PLEKHA8: variants seen among roughly 807,000 people sequenced by gnomAD.
The protein encoded by PLEKHA8 is pleckstrin homology domain-containing family A member 8.
In PLEKHA8, 36 loss-of-function variants were observed where a neutral mutation model predicts 68.2. The observed-to-expected ratio is 0.53, with a 90% CI of 0.40 to 0.70. The LOEUF is 0.70. Ranked by LOEUF, PLEKHA8 falls within the 30% of genes least tolerant of loss-of-function variation. The pLI is 0.00. For synonymous variants in PLEKHA8, 211 were observed against 216.1 expected (o/e 0.98, Z 0.20); for missense variants, 505 against 615.4 (o/e 0.82, Z 1.90).
chr7:30,107,281 A>G (rs188618219), intron 13 of PLEKHA8, among the ~76,000 whole-genome samples: 25 of 152,230 alleles, frequency 1.6e-4, no homozygotes, highest in African/African-American at 5.8e-4. Context: ...TTGTTTTACA[A>G]TATTACTTCC....
chr7:30,053,066 G>A (rs1792552430), intron 7 of PLEKHA8, among the ~76,000 whole-genome samples, 200 bp downstream of exon 7: 1 of 152,214 alleles, frequency 6.6e-6, no homozygotes, highest in Admixed American at 6.5e-5. Flanking sequence ...AAGGCAGAGT[G>A]AAAAGAGGAA....
rs563634599 is a variant in PLEKHA8 at position 30,036,451 on chromosome 7, G to GATAC, written c.40+7652_40+7653insCATA. Among the ~76,000 whole-genome samples, 1,441 of 150,398 alleles carry GATAC rather than the reference G, an allele frequency of 9.6e-3. 23 individuals carry two copies. Among genetic ancestry groups the GATAC allele is most frequent in the Non-Finnish European group, 0.013 (897 of 67,584 alleles). On this transcript the variant is annotated intron_variant, in intron 1 of 13. Transcript: ENST00000449726. ...AGATAGATAGATAGATAGATAGATA[G>GATAC]ATAGATAGATAGATTAGATAGAGAA... is the stretch of plus-strand genomic sequence containing the variant.
At chr7:30,119,853 AT>A (rs1796666668) in intron 13 of PLEKHA8, among the ~76,000 whole-genome samples, 1 of 152,180 alleles carries the variant, frequency 6.6e-6, no homozygotes, top group Non-Finnish European at 1.5e-5. Context: ...TTTAGGATGT[AT>A]TTATGTGCTC....
rs1384073227 is a variant in PLEKHA8, at chr7:30,084,525, C to T, written c.*5738C>T. The T allele has an allele frequency of 1.0e-6, 1 of 985,202 alleles. No homozygotes were observed. The highest frequency in any genetic ancestry group is 1.2e-6 in the Non-Finnish European group (1 of 829,914). The allele number at this position is 985,202 out of a possible 1,614,324, so 61.0% of individuals were successfully genotyped here. A position where few individuals can be genotyped will look rare whatever the true frequency, so the allele number is the denominator to read the frequency against. On this transcript the variant is annotated 3_prime_UTR_variant, in exon 14 of 14. Coordinates refer to ENST00000449726, the MANE Select transcript of PLEKHA8 (RefSeq NM_001197026.2). ...TTTAGATTTGTATTGTTTCTCTGTC[C>T]AAGTCCTTATTCTCTATCTTGTGGG... is the stretch of plus-strand genomic sequence containing the variant.
chr7:30,124,958 A>AT (rs1235680433), intron 13 of PLEKHA8, among the ~76,000 whole-genome samples: 6 of 151,252 alleles, frequency 4.0e-5, no homozygotes, highest in East Asian at 1.9e-4. Context: ...AAAAATCAGA[A>AT]TTTTTTTTTG....
chr7:30,097,773 T>C (rs934316828), intron 13 of PLEKHA8, among the ~76,000 whole-genome samples: 4 of 152,132 alleles, frequency 2.6e-5, no homozygotes, highest in African/African-American at 4.8e-5. Flanking sequence ...TGGTTCGAAC[T>C]TCTTCCTTTA....
At chr7:30,072,752 A>C in intron 12 of PLEKHA8, among the ~76,000 whole-genome samples, 1 of 152,272 alleles carries the variant, frequency 6.6e-6, no homozygotes, top group Non-Finnish European at 1.5e-5. Context: ...TGCTGGTGCT[A>C]AAACTAGCAC....
chr7:30,128,396 T>C (rs1796818072), intron 13 of PLEKHA8, among the ~76,000 whole-genome samples: 1 of 152,220 alleles, frequency 6.6e-6, no homozygotes, highest in Non-Finnish European at 1.5e-5. Context: ...TGTGAGCCAC[T>C]ATGCCCGGCT....
chr7:30,079,589 C>G lies in PLEKHA8; in HGVS notation c.*802C>G. 1 of 819,986 alleles carries G rather than the reference C, an allele frequency of 1.2e-6. No individual in the cohort carries two copies. The highest frequency in any genetic ancestry group is 1.5e-6 in the Non-Finnish European group (1 of 679,276). The allele number at this position is 819,986 out of a possible 1,614,324, so 50.8% of individuals were successfully genotyped here. Reference sequence around the variant, plus strand: ...GATACCCAGAGGGATTATTACTCCACTTCAAAAGCAAGGTTTAGAAGTTGA... The same window carrying G: ...GATACCCAGAGGGATTATTACTCCAGTTCAAAAGCAAGGTTTAGAAGTTGA... On this transcript the variant is annotated 3_prime_UTR_variant, in exon 14 of 14. Coordinates refer to ENST00000449726, the MANE Select transcript of PLEKHA8 (RefSeq NM_001197026.2).
chr7:30,034,731 T>C (rs1265164444), intron 1 of PLEKHA8, among the ~76,000 whole-genome samples: 3 of 152,122 alleles, frequency 2.0e-5, no homozygotes, highest in Non-Finnish European at 2.9e-5. Context: ...TGGAAGAAAA[T>C]CCGCATGTGC....
intron 13 of PLEKHA8, among the ~76,000 whole-genome samples, chr7:30,101,098 A>T (rs771188815): frequency 2.6e-5 from 4 of 151,920 alleles, no homozygotes; most frequent in Non-Finnish European, 4.4e-5. Flanking sequence ...GCTAAGGCAG[A>T]AGAATGGCTT....
chr7:30,067,834 C>T (rs1793966932), intron 12 of PLEKHA8, among the ~76,000 whole-genome samples: 2 of 152,186 alleles, frequency 1.3e-5, no homozygotes, highest in African/African-American at 2.4e-5. Context: ...TTTAGCATTT[C>T]ATTGTATGAA....
At chr7:30,058,837 A>G (rs1274780887) in intron 9 of PLEKHA8, among the ~76,000 whole-genome samples, 1 of 152,266 alleles carries the variant, frequency 6.6e-6, no homozygotes, top group Non-Finnish European at 1.5e-5. Flanking sequence ...ATCTTAAACA[A>G]CATCGAAGGC....
intron 5 of PLEKHA8, 152 bp from the exon 6 acceptor site, chr7:30,050,282 T>C: frequency 5.4e-6 from 5 of 932,208 alleles, no homozygotes; most frequent in Non-Finnish European, 7.6e-6. Context: ...AATGACTCTC[T>C]TTTGGGAAGA....
At position 30,030,733 on chromosome 7, in the gene PLEKHA8, C is replaced by T. The variant is rs878956882; in HGVS notation, c.40+1931C>T. 2.6e-5 allele frequency among the ~76,000 whole-genome samples: 4 copies of T among 152,200 alleles called. No individual in the cohort carries two copies. The South Asian group carries it at 8.3e-4, about 31-fold the overall frequency. On this transcript the variant is annotated intron_variant, in intron 1 of 13. Coordinates refer to ENST00000449726, the MANE Select transcript of PLEKHA8 (RefSeq NM_001197026.2). The stretch of plus-strand genomic sequence containing the variant: ...GAATGATGGTTCGGCATATTCTCTC[C>T]TTTTAGGAGATAAATTTACTTGGGA...
At chr7:30,052,640 CAAAA>C (rs75714651) in intron 6 of PLEKHA8, 65 bp from the exon 7 acceptor site, 129,948 of 1,051,720 alleles carry the variant, frequency 0.12, 1,772 homozygotes, top group African/African-American at 0.19. Flanking sequence ...GACCCTGTTT[CAAAA>C]AAAAAAAAAA....
chr7:30,085,364 A>C (rs761763183), downstream of PLEKHA8, among the ~76,000 whole-genome samples: 1 of 152,348 alleles, frequency 6.6e-6, no homozygotes, highest in East Asian at 1.9e-4. Flanking sequence ...CGCTCCTTTC[A>C]GAGGTAGCTA....
At position 30,069,429 on chromosome 7, in the gene PLEKHA8, T is replaced by C. The variant is rs1382519898; in HGVS notation, c.1301-4642T>C. On this transcript the variant is annotated intron_variant, in intron 12 of 13. Transcript: ENST00000449726. ...TAAGCCAAAATAACTTTACCAATTA[T>C]AGGTTTACAGTAGAAAAACACTTTC... 2.0e-5 allele frequency among the ~76,000 whole-genome samples: 3 copies of C among 152,346 alleles called. No individual in the cohort carries two copies. The East Asian group carries it at 5.8e-4, about 29-fold the overall frequency.
intron 1 of PLEKHA8, among the ~76,000 whole-genome samples, chr7:30,037,161 ATATC>A (rs1685525582): frequency 6.6e-6 from 1 of 152,220 alleles, no homozygotes; most frequent in Non-Finnish European, 1.5e-5. Context: ...CACTATTAAC[ATATC>A]TATATAGCAT....
Sources: allele counts gnomAD v4.1 joint callset (sites outside exome capture counted in the v4.1 genomes callset), GRCh38; gene constraint gnomAD v4.1.1; transcripts MANE v1.5; gene names NCBI Gene and HGNC (gene_info 2026-07-23, HGNC 2026-07-21).